Variants in LGR6 observed in about 807,000 individuals in gnomAD.
LGR6 encodes leucine rich repeat containing G protein-coupled receptor 6.
LGR6 carries 45 observed loss-of-function variants against 69.4 expected under a neutral mutation model. The observed-to-expected ratio is 0.65, with a 90% CI of 0.51 to 0.83. The LOEUF is 0.83. LGR6 is among the 40% of genes least tolerant of loss of function. LGR6 has a pLI of 0.00. For missense variants in LGR6, 1,108 were observed against 1,246.7 expected, an observed-to-expected ratio of 0.89 and a Z score of 1.68; for synonymous variants, 538 against 555.0, an observed-to-expected ratio of 0.97 and a Z score of 0.43.
At chr1:202,207,810 C>A (rs1350349379) in intron 1 of LGR6, among the ~76,000 whole-genome samples, 1 of 152,218 alleles carries the variant, frequency 6.6e-6, no homozygotes, top group African/African-American at 2.4e-5. Flanking sequence ...GCGTCTGGCA[C>A]ACAGTAACCA....
Position 202,300,830 on chromosome 1 carries a change from T to A in LGR6, c.786-19T>A, listed in dbSNP as rs753778515. On this transcript the variant is annotated intron_variant, in intron 7 of 17. Coordinates refer to ENST00000367278, the MANE Select transcript of LGR6 (RefSeq NM_001017403.2). ...TACCTTTCTCCAAATCCTCACTGGT[T>A]CCTGGTGTTGTCTTCCAGGGGGTTC... 1 of 1,592,154 alleles carries A rather than the reference T, an allele frequency of 6.3e-7. No homozygotes were observed. Among genetic ancestry groups the A allele is most frequent in the South Asian group, 1.1e-5 (1 of 87,806 alleles).
chr1:202,257,992 A>G (rs930902385), intron 4 of LGR6, among the ~76,000 whole-genome samples: 5 of 151,996 alleles, frequency 3.3e-5, no homozygotes, highest in African/African-American at 1.2e-4. Flanking sequence ...TCTTTCAACA[A>G]TGTTTTGTCA....
intron 4 of LGR6, among the ~76,000 whole-genome samples, chr1:202,265,370 G>A (rs547522343): frequency 2.0e-5 from 3 of 152,320 alleles, no homozygotes; most frequent in South Asian, 2.1e-4. Context: ...CTGGTGATGG[G>A]TTCCAGATGG....
chr1:202,259,607 C>T (rs115495747), intron 4 of LGR6, among the ~76,000 whole-genome samples: 194 of 152,150 alleles, frequency 1.3e-3, no homozygotes, highest in African/African-American at 4.4e-3. Flanking sequence ...CTTTGTCTCA[C>T]GTCTATCATG....
At chr1:202,255,106 G>A (rs2148076877) in intron 4 of LGR6, among the ~76,000 whole-genome samples, 3 of 152,322 alleles carry the variant, frequency 2.0e-5, no homozygotes, top group Admixed American at 2.0e-4. Context: ...GAAGACCTGT[G>A]TGTAGGAGAT....
chr1:202,300,461 C>G (rs1441374881), intron 7 of LGR6, among the ~76,000 whole-genome samples: 1 of 152,062 alleles, frequency 6.6e-6, no homozygotes, highest in African/African-American at 2.4e-5. Context: ...CTAGACTAGC[C>G]TGGGCAACAA....
At chr1:202,310,169 G>A (rs1653601847) in intron 15 of LGR6, 28 bp from the exon 16 acceptor site, 1 of 1,610,454 alleles carries the variant, frequency 6.2e-7, no homozygotes, top group Non-Finnish European at 8.5e-7. Flanking sequence ...TGCTGAGGCA[G>A]CCAATCAGCC....
At chr1:202,231,221 G>C (rs1661035272) in intron 3 of LGR6, among the ~76,000 whole-genome samples, 2 of 152,152 alleles carry the variant, frequency 1.3e-5, no homozygotes, top group Non-Finnish European at 2.9e-5. Flanking sequence ...GCCATCTTCA[G>C]TTGACATTAG....
At chr1:202,233,793 G>A (rs1046519057) in intron 3 of LGR6, among the ~76,000 whole-genome samples, 1 of 152,132 alleles carries the variant, frequency 6.6e-6, no homozygotes, top group Non-Finnish European at 1.5e-5. Context: ...GCCATTGAGG[G>A]CTTTACAGCG....
intron 16 of LGR6, among the ~76,000 whole-genome samples, chr1:202,312,049 C>T (rs1021994442): frequency 6.6e-6 from 1 of 152,234 alleles, no homozygotes; most frequent in African/African-American, 2.4e-5. Flanking sequence ...AGAATGGAAA[C>T]TTTCCTTCCT....
intron 6 of LGR6, among the ~76,000 whole-genome samples, chr1:202,282,776 TTGCCGC>T (rs1666111291): frequency 1.3e-5 from 2 of 152,350 alleles, no homozygotes; most frequent in Middle Eastern, 3.4e-3. Flanking sequence ...AGCCACTGGA[TTGCCGC>T]GCAGGGCATT....
At chr1:202,278,721 A>G (rs779103884) in intron 5 of LGR6, among the ~76,000 whole-genome samples, 8 of 152,142 alleles carry the variant, frequency 5.3e-5, no homozygotes, top group Admixed American at 1.3e-4. Context: ...AGCAAAAAAG[A>G]TATTTGGTTA....
chr1:202,262,770 T>A (rs966814851), intron 4 of LGR6, among the ~76,000 whole-genome samples: 3 of 152,168 alleles, frequency 2.0e-5, no homozygotes, highest in African/African-American at 7.2e-5. Flanking sequence ...GGAGAGTGTC[T>A]CATGTTTATT....
chr1:202,205,308 ACACG>A (rs1331747934), intron 1 of LGR6, among the ~76,000 whole-genome samples: 1 of 9,996 alleles, frequency 1.0e-4, no homozygotes, highest in Non-Finnish European at 1.9e-4. Context: ...TCAAGCACAC[ACACG>A]CACCTCCAAA....
intron 1 of LGR6, among the ~76,000 whole-genome samples, chr1:202,204,517 A>ACC (rs745930141): frequency 5.4e-5 from 1 of 18,424 alleles, no homozygotes; most frequent in African/African-American, 1.8e-4. Context: ...ACACACACAC[A>ACC]CCTCCAAACA....
intron 4 of LGR6, among the ~76,000 whole-genome samples, chr1:202,255,574 T>C (rs1254504428): frequency 6.6e-6 from 1 of 152,202 alleles, no homozygotes; most frequent in Non-Finnish European, 1.5e-5. Flanking sequence ...GCCTGGGAGT[T>C]AATTATACAC....
chr1:202,205,212 A>G (rs374536965), intron 1 of LGR6, among the ~76,000 whole-genome samples: 99 of 7,788 alleles, frequency 0.013, no homozygotes, highest in Non-Finnish European at 0.021. Context: ...TCCTTCAAAC[A>G]CACACACACC....
intron 4 of LGR6, among the ~76,000 whole-genome samples, chr1:202,238,394 A>C (rs1661795748): frequency 7.3e-6 from 1 of 137,138 alleles, no homozygotes; most frequent in Middle Eastern, 4.4e-3. Flanking sequence ...GGAGTAAGCC[A>C]CTGTGCCCAG....
intron 1 of LGR6, among the ~76,000 whole-genome samples, chr1:202,224,440 A>T (rs1044375765): frequency 6.6e-6 from 1 of 152,136 alleles, no homozygotes; most frequent in Non-Finnish European, 1.5e-5. Context: ...GTGGTGTGCC[A>T]GTTCTGTGAT....
Sources: gnomAD v4.1 joint callset for allele counts (sites outside exome capture counted in the v4.1 genomes callset) on GRCh38, gnomAD v4.1.1 for gene constraint, MANE v1.5 for transcripts, NCBI Gene and HGNC (gene_info 2026-07-23, HGNC 2026-07-21) for gene names.